Variants in RNF157 observed in about 807,000 individuals in gnomAD.
RNF157 encodes E3 ubiquitin ligase RNF157.
RNF157 carries 55 observed loss-of-function variants against 88.3 expected under a neutral mutation model. That is an observed-to-expected ratio of 0.62 (90% CI 0.50 to 0.78). The LOEUF (loss-of-function observed/expected upper bound fraction) is 0.78, where lower values mean the gene tolerates loss of function less well. RNF157 is among the 30% of genes least tolerant of loss of function. The pLI, the probability that RNF157 is intolerant of heterozygous loss-of-function variation, is 0.00. For missense variants in RNF157, 788 were observed against 860.8 expected (o/e 0.92, Z 1.06); for synonymous variants, 334 against 341.2 (o/e 0.98, Z 0.23).
At chr17:76,239,708 T>C (rs1043841353) in intron 1 of RNF157, among the ~76,000 whole-genome samples, 9 of 152,244 alleles carry the variant, frequency 5.9e-5, no homozygotes, top group Non-Finnish European at 1.0e-4. Context: ...CTGGCGCAAG[T>C]GCCTGTTTGG....
intron 2 of RNF157, among the ~76,000 whole-genome samples, chr17:76,182,787 A>ATATATATATG (rs1387837533): frequency 7.4e-6 from 1 of 134,864 alleles, no homozygotes; most frequent in Non-Finnish European, 1.6e-5. Flanking sequence ...ATATATATAT[A>ATATATATATG]TGAGAGATAT....
chr17:76,190,691 G>A (rs750744135), intron 2 of RNF157, among the ~76,000 whole-genome samples: 7 of 151,086 alleles, frequency 4.6e-5, no homozygotes, highest in Admixed American at 1.3e-4. Flanking sequence ...AGGCCGAGAC[G>A]GGTGGATCAC....
intron 1 of RNF157, among the ~76,000 whole-genome samples, chr17:76,232,801 G>T (rs1598450719): frequency 6.6e-6 from 1 of 152,190 alleles, no homozygotes; most frequent in East Asian, 1.9e-4. Context: ...TAATAGGTGT[G>T]AAATGGTATC....
Position 76,178,872 on chromosome 17 carries a change from G to A in RNF157, c.208-5082C>T, listed in dbSNP as rs1334725562. On this transcript the variant is annotated intron_variant, in intron 2 of 18. Coordinates refer to ENST00000269391, the MANE Select transcript of RNF157 (RefSeq NM_052916.3). ...CATGTCTTAAAGGGAGCAGAGTTGA[G>A]GTTTGAACACGTTCTACCTTTATCT... is the stretch of plus-strand genomic sequence containing the variant. 2.0e-5 allele frequency among the ~76,000 whole-genome samples: 3 copies of A among 152,014 alleles called. No individual in the cohort carries two copies. In the East Asian group the frequency reaches 5.8e-4, roughly 29 times the overall value.
chr17:76,197,754 T>A (rs1188875062), intron 2 of RNF157, among the ~76,000 whole-genome samples: 1 of 152,108 alleles, frequency 6.6e-6, no homozygotes, highest in Admixed American at 6.6e-5. Context: ...TTAAAGACAA[T>A]CATTTCCTGC....
At position 76,166,585 on chromosome 17, in the gene RNF157, C is replaced by T; in HGVS notation, c.562-58G>A. On this transcript the variant is annotated intron_variant, in intron 5 of 18. Transcript: ENST00000269391. ...GAGGACTTAACACATTTACATGGCACAGCTAATCTCAGAAAGGGCGATACT... is the reference window on the plus strand; with the variant it reads ...GAGGACTTAACACATTTACATGGCATAGCTAATCTCAGAAAGGGCGATACT... 3 of 1,331,366 alleles carry T rather than the reference C, an allele frequency of 2.3e-6. 1 individual carries two copies. In the South Asian group the frequency reaches 3.5e-5, roughly 16 times the overall value. 82.5% of individuals were successfully genotyped at this position (1,331,366 alleles called of 1,614,324 possible).
At chr17:76,208,405 G>A (rs2069718962) in intron 2 of RNF157, among the ~76,000 whole-genome samples, 2 of 152,182 alleles carry the variant, frequency 1.3e-5, no homozygotes, top group South Asian at 4.1e-4. Context: ...AGGCTGTGCA[G>A]TCTTTAAACT....
At chr17:76,181,201 G>A (rs1402397014) in intron 2 of RNF157, among the ~76,000 whole-genome samples, 1 of 152,080 alleles carries the variant, frequency 6.6e-6, no homozygotes, top group African/African-American at 2.4e-5. Context: ...GTGTTCCAGG[G>A]ACCTGAGCAG....
chr17:76,182,695 C>T (rs1275990824), intron 2 of RNF157, among the ~76,000 whole-genome samples: 2 of 144,814 alleles, frequency 1.4e-5, no homozygotes, highest in Non-Finnish European at 3.0e-5. Flanking sequence ...AAGTTAACTT[C>T]AACATAAATC....
intron 18 of RNF157, chr17:76,147,455 G>T: frequency 2.4e-6 from 1 of 413,360 alleles, no homozygotes; most frequent in Non-Finnish European, 3.3e-6. Context: ...AGGCTGCCCA[G>T]AGAGCTGTCC....
At chr17:76,226,777 C>T (rs1222690059) in intron 1 of RNF157, 27 of 1,571,304 alleles carry the variant, frequency 1.7e-5, no homozygotes, top group Middle Eastern at 4.7e-4. Flanking sequence ...CCACCAACAC[C>T]TCGTTGCTCA....
At chr17:76,193,337 T>C (rs2069417752) in intron 2 of RNF157, among the ~76,000 whole-genome samples, 1 of 152,236 alleles carries the variant, frequency 6.6e-6, no homozygotes, top group South Asian at 2.1e-4. Context: ...ATTAAAGAAC[T>C]TGTAATGCTA....
intron 3 of RNF157, among the ~76,000 whole-genome samples, chr17:76,172,204 G>C (rs2069025040): frequency 6.6e-6 from 1 of 152,134 alleles, no homozygotes; most frequent in Non-Finnish European, 1.5e-5. Context: ...AAATAGATTA[G>C]TGGTTACTTA....
At chr17:76,210,334 C>T (rs919141940) in intron 2 of RNF157, among the ~76,000 whole-genome samples, 1 of 151,916 alleles carries the variant, frequency 6.6e-6, no homozygotes, top group Non-Finnish European at 1.5e-5. Flanking sequence ...TGGCTCATGC[C>T]TGTAATCCCA....
intron 2 of RNF157, among the ~76,000 whole-genome samples, chr17:76,205,508 C>T (rs752509884): frequency 1.3e-5 from 2 of 151,866 alleles, no homozygotes; most frequent in African/African-American, 4.8e-5. Context: ...GGGTAGATCA[C>T]GAGGTCAAGA....
At chr17:76,179,297 CG>C (rs1386605715) in intron 2 of RNF157, among the ~76,000 whole-genome samples, 1 of 151,416 alleles carries the variant, frequency 6.6e-6, no homozygotes, top group Non-Finnish European at 1.5e-5. Context: ...AGAAGGCTGA[CG>C]CAAGAGGATC....
intron 2 of RNF157, among the ~76,000 whole-genome samples, chr17:76,208,441 T>C (rs2069720094): frequency 1.3e-5 from 2 of 152,304 alleles, no homozygotes; most frequent in Middle Eastern, 3.4e-3. Context: ...TCTTCACCTG[T>C]TGAATGAGGA....
At chr17:76,234,088 G>C (rs2070240564) in intron 1 of RNF157, among the ~76,000 whole-genome samples, 2 of 152,142 alleles carry the variant, frequency 1.3e-5, no homozygotes, top group Admixed American at 1.3e-4. Context: ...TGTCTCTGTG[G>C]ATTTGCCTCT....
chr17:76,182,796 A>C (rs1207040040), intron 2 of RNF157, among the ~76,000 whole-genome samples: 1 of 126,546 alleles, frequency 7.9e-6, no homozygotes, highest in Non-Finnish European at 1.6e-5. Flanking sequence ...TATGAGAGAT[A>C]TATATATGAG....
Sources: allele counts gnomAD v4.1 joint callset (sites outside exome capture counted in the v4.1 genomes callset), GRCh38; gene constraint gnomAD v4.1.1; transcripts MANE v1.5; gene names NCBI Gene and HGNC (gene_info 2026-07-23, HGNC 2026-07-21).